The following SYNPR variants were observed in gnomAD, a reference collection of about 807,000 sequenced individuals.
SYNPR encodes synaptoporin.
Under a neutral mutation model 32.9 loss-of-function variants are expected in SYNPR, and 23 were observed. The observed-to-expected ratio is 0.70, with a 90% CI of 0.50 to 0.99. The LOEUF is 0.99. SYNPR is among the 50% of genes least tolerant of loss of function. The probability of loss-of-function intolerance (pLI) is 0.00; values close to 1 mark genes in which losing one functional copy is unlikely to be tolerated. For missense variants in SYNPR, 318 were observed against 349.3 expected (o/e 0.91, Z 0.71); for synonymous variants, 146 against 135.9 (o/e 1.07, Z -0.52).
At chr3:63,503,013 A>G (rs1701512094) in intron 3 of SYNPR, among the ~76,000 whole-genome samples, 1 of 152,144 alleles carries the variant, frequency 6.6e-6, no homozygotes, top group Non-Finnish European at 1.5e-5. Flanking sequence ...ACTGGGTCAC[A>G]TGGTAAGAGT....
intron 2 of SYNPR, among the ~76,000 whole-genome samples, chr3:63,313,228 G>T (rs1433611929): frequency 2.6e-5 from 4 of 151,702 alleles, no homozygotes; most frequent in African/African-American, 9.7e-5. Flanking sequence ...TTTTATTATT[G>T]TATTATTTTT....
At chr3:63,339,505 C>T (rs1484691749) in intron 2 of SYNPR, among the ~76,000 whole-genome samples, 1 of 152,156 alleles carries the variant, frequency 6.6e-6, no homozygotes, top group African/African-American at 2.4e-5. Flanking sequence ...GACCTTGACA[C>T]AATCCACCTA....
At chr3:63,567,904 C>A (rs1006599431) in intron 4 of SYNPR, among the ~76,000 whole-genome samples, 1 of 152,172 alleles carries the variant, frequency 6.6e-6, no homozygotes, top group East Asian at 1.9e-4. Flanking sequence ...AACATCTAAT[C>A]AATTTATATG....
chr3:63,433,504 A>C (rs1427442969), intron 2 of SYNPR, among the ~76,000 whole-genome samples: 1 of 152,228 alleles, frequency 6.6e-6, no homozygotes, highest in African/African-American at 2.4e-5. Context: ...GCAGTAATAC[A>C]TAATCAACTA....
chr3:63,273,414 T>C (rs979822503), upstream of SYNPR, among the ~76,000 whole-genome samples: 6 of 152,140 alleles, frequency 3.9e-5, no homozygotes, highest in African/African-American at 1.4e-4. Flanking sequence ...AATTAAAGAA[T>C]TTATGCCTAT....
chr3:63,483,447 G>A (rs1250411484), intron 3 of SYNPR, among the ~76,000 whole-genome samples: 2 of 152,144 alleles, frequency 1.3e-5, no homozygotes, highest in African/African-American at 4.8e-5. Context: ...ATGTATATGT[G>A]TGTAAAATAT....
At chr3:63,386,008 G>C (rs2088039033) in intron 2 of SYNPR, among the ~76,000 whole-genome samples, 1 of 152,182 alleles carries the variant, frequency 6.6e-6, no homozygotes, top group South Asian at 2.1e-4. Context: ...ATTCTGAATA[G>C]CTAGATGTTT....
intron 1 of SYNPR, among the ~76,000 whole-genome samples, chr3:63,235,586 G>A (rs1275266038): frequency 2.0e-5 from 3 of 152,108 alleles, no homozygotes; most frequent in African/African-American, 4.8e-5. Context: ...TAACCACTTA[G>A]TTGCAAGGCC....
chr3:63,509,272 T>TG (rs369475801), intron 3 of SYNPR, among the ~76,000 whole-genome samples: 15 of 88,554 alleles, frequency 1.7e-4, no homozygotes, highest in South Asian at 6.9e-4. Flanking sequence ...AGGCTGAAAG[T>TG]TATATATATG....
chr3:63,452,042 T>C, intron 2 of SYNPR: 1 of 701,074 alleles, frequency 1.4e-6, no homozygotes, highest in South Asian at 1.5e-5. Flanking sequence ...ATAATTTTTT[T>C]CTCTTTCTCC....
intron 2 of SYNPR, among the ~76,000 whole-genome samples, chr3:63,473,597 G>T (rs181229605): frequency 6.6e-6 from 1 of 152,164 alleles, no homozygotes; most frequent in African/African-American, 2.4e-5. Flanking sequence ...AAGTCTGCTC[G>T]TGTTAAAAAA....
intron 2 of SYNPR, among the ~76,000 whole-genome samples, chr3:63,361,472 C>A (rs562786474): frequency 6.6e-6 from 1 of 151,870 alleles, no homozygotes; most frequent in South Asian, 2.1e-4. Flanking sequence ...GTGGCGGGCT[C>A]CTGTAGTCGC....
At chr3:63,254,084 C>G (rs550892310) in intron 2 of SYNPR, among the ~76,000 whole-genome samples, 1 of 151,954 alleles carries the variant, frequency 6.6e-6, no homozygotes, top group Non-Finnish European at 1.5e-5. Flanking sequence ...AACCAAACAC[C>G]GCATGTTCTC....
intron 1 of SYNPR, among the ~76,000 whole-genome samples, chr3:63,242,296 T>A (rs1192671974): frequency 1.7e-4 from 26 of 151,968 alleles, no homozygotes; most frequent in Admixed American, 1.7e-3. Flanking sequence ...GGAGTTGGCA[T>A]GCCTGTACCG....
At chr3:63,258,778 C>A (rs1397515994) in intron 2 of SYNPR, among the ~76,000 whole-genome samples, 6 of 152,136 alleles carry the variant, frequency 3.9e-5, no homozygotes, top group Non-Finnish European at 8.8e-5. Flanking sequence ...ATCAATGAAT[C>A]CAGGAGCTGG....
At chr3:63,522,711 G>C (rs1270265302) in intron 3 of SYNPR, among the ~76,000 whole-genome samples, 1 of 139,198 alleles carries the variant, frequency 7.2e-6, no homozygotes, top group Non-Finnish European at 1.5e-5. Flanking sequence ...AAGGGAGTAA[G>C]TGACAAAGTC....
rs145100787 is a variant in SYNPR, at chr3:63,266,572, T to C, written n.155-745T>C. The stretch of plus-strand genomic sequence containing the variant: ...ACAAAAAAAAATTAGCCGGGCTTTG[T>C]GGTGCGTGCCTGTAATCCCAGCTAC... On this transcript the variant is annotated intron_variant and non_coding_transcript_variant, in intron 2 of 4. Coordinates refer to the SYNPR transcript ENST00000478456. 5.9e-4 allele frequency among the ~76,000 whole-genome samples: 89 copies of C among 151,938 alleles called. 2 individuals are homozygous for C. The East Asian group carries it at 0.017, about 29-fold the overall frequency.
At chr3:63,346,763 A>C (rs543473825) in intron 2 of SYNPR, among the ~76,000 whole-genome samples, 93 of 152,048 alleles carry the variant, frequency 6.1e-4, no homozygotes, top group Middle Eastern at 3.4e-3. Flanking sequence ...GAGCCACCAC[A>C]CCCAGCTAAT....
At chr3:63,604,801 T>A (rs1336354959) in intron 4 of SYNPR, among the ~76,000 whole-genome samples, 1 of 152,222 alleles carries the variant, frequency 6.6e-6, no homozygotes, top group Non-Finnish European at 1.5e-5. Context: ...GTTGCTGTTG[T>A]AAGGGCAAAT....
Sources: allele counts gnomAD v4.1 joint callset (sites outside exome capture counted in the v4.1 genomes callset), GRCh38; gene constraint gnomAD v4.1.1; transcripts MANE v1.5; gene names NCBI Gene and HGNC (gene_info 2026-07-23, HGNC 2026-07-21).